Variants in GRIN2B observed in about 807,000 individuals in gnomAD.
GRIN2B encodes glutamate ionotropic receptor NMDA type subunit 2B.
A neutral mutation model predicts 114.5 loss-of-function variants in GRIN2B; 5 were observed. That is an observed-to-expected ratio of 0.04 (90% CI 0.02 to 0.09). The LOEUF is 0.09. Among genes scored for constraint, GRIN2B ranks in the 10% least tolerant of loss-of-function variants. GRIN2B has a pLI of 1.00. For missense variants in GRIN2B, 1,108 were observed against 1,943.5 expected (o/e 0.57, Z 8.08); for synonymous variants, 787 against 745.1 (o/e 1.06, Z -0.92).
intron 2 of GRIN2B, among the ~76,000 whole-genome samples, chr12:13,889,068 T>G (rs1172331348): frequency 6.6e-6 from 1 of 152,242 alleles, no homozygotes; most frequent in African/African-American, 2.4e-5. Context: ...ATATTTTCTT[T>G]CTGTATATCC....
intron 3 of GRIN2B, among the ~76,000 whole-genome samples, chr12:13,805,779 A>T (rs1048866146): frequency 2.6e-5 from 4 of 152,198 alleles, no homozygotes. Flanking sequence ...ATTTTCAAGT[A>T]TATAATACAT....
At chr12:13,712,468 C>T (rs1213076574) in intron 4 of GRIN2B, among the ~76,000 whole-genome samples, 8 of 151,570 alleles carry the variant, frequency 5.3e-5, no homozygotes, top group East Asian at 1.9e-4. Context: ...AAACAGTGGT[C>T]GCCTTTGTGT....
At position 13,625,713 on chromosome 12, in the gene GRIN2B, G is replaced by A. The variant is rs141794208; in HGVS notation, c.1126-9056C>T. On this transcript the variant is annotated intron_variant, in intron 5 of 13. Coordinates refer to ENST00000609686, the MANE Select transcript of GRIN2B (RefSeq NM_000834.5). ...CTCAATTTTTTCCAAACATCAGGGCGAACTCTATGAGGTTCTTTTGGTTTC... is the reference window on the plus strand; with the variant it reads ...CTCAATTTTTTCCAAACATCAGGGCAAACTCTATGAGGTTCTTTTGGTTTC... Among the ~76,000 whole-genome samples, 1,261 of 152,174 alleles carry A rather than the reference G, an allele frequency of 8.3e-3. 10 individuals carry two copies. Among genetic ancestry groups the A allele is most frequent in the Middle Eastern group, 0.02 (6 of 294 alleles).
chr12:13,648,358 T>A lies in GRIN2B; in HGVS notation c.1125+27387A>T, dbSNP rs540713555. On this transcript the variant is annotated intron_variant, in intron 5 of 13. Coordinates refer to ENST00000609686, the MANE Select transcript of GRIN2B (RefSeq NM_000834.5). ...TCTAATCCAGTAGCATAGAGAAGTA[T>A]AAACATTAATAACTAAACAACCTTA... 2.0e-5 allele frequency among the ~76,000 whole-genome samples: 3 copies of A among 151,994 alleles called. No individual in the cohort carries two copies. In the East Asian group the frequency reaches 5.8e-4, roughly 29 times the overall value.
intron 5 of GRIN2B, among the ~76,000 whole-genome samples, chr12:13,669,444 T>A (rs891817016): frequency 1.3e-5 from 2 of 152,044 alleles, no homozygotes; most frequent in South Asian, 4.1e-4. Context: ...CAGTTCAAAG[T>A]CAGTAAAAAT....
intron 13 of GRIN2B, among the ~76,000 whole-genome samples, chr12:13,565,903 C>A (rs991492595): frequency 1.3e-5 from 2 of 152,118 alleles, no homozygotes; most frequent in Non-Finnish European, 2.9e-5. Context: ...TGATTAAGCT[C>A]AAGAGAAAAT....
intron 4 of GRIN2B, among the ~76,000 whole-genome samples, chr12:13,700,490 C>CTG (rs1229146228): frequency 1.3e-5 from 2 of 152,126 alleles, no homozygotes; most frequent in Non-Finnish European, 2.9e-5. Flanking sequence ...CTGGATTGGG[C>CTG]TGTAACTGCT....
At chr12:13,567,847 T>C (rs1032527083) in intron 12 of GRIN2B, among the ~76,000 whole-genome samples, 43 of 152,068 alleles carry the variant, frequency 2.8e-4, no homozygotes, top group African/African-American at 7.7e-4. Context: ...AAAAGAGTGA[T>C]GTAAGAGTGC....
chr12:13,749,228 C>G (rs986043396), intron 4 of GRIN2B, among the ~76,000 whole-genome samples: 4 of 152,226 alleles, frequency 2.6e-5, no homozygotes, highest in Non-Finnish European at 4.4e-5. Context: ...ATACATGTCT[C>G]TCTTTGGGAT....
At chr12:13,842,917 C>CTTT (rs201344138) in intron 3 of GRIN2B, among the ~76,000 whole-genome samples, 33 of 103,204 alleles carry the variant, frequency 3.2e-4, no homozygotes, top group East Asian at 5.8e-4. Context: ...ATTGGTTTTT[C>CTTT]TTTTTTTTTT....
At chr12:13,756,783 G>T (rs951710657) in intron 3 of GRIN2B, among the ~76,000 whole-genome samples, 1 of 152,146 alleles carries the variant, frequency 6.6e-6, no homozygotes, top group South Asian at 2.1e-4. Context: ...CATAGCAAGA[G>T]GTACAAAAGC....
intron 3 of GRIN2B, among the ~76,000 whole-genome samples, chr12:13,842,291 A>C (rs1369072040): frequency 2.6e-5 from 4 of 152,236 alleles, no homozygotes; most frequent in Non-Finnish European, 2.9e-5. Context: ...TAGGTGGGTA[A>C]CCACCTACCA....
intron 4 of GRIN2B, among the ~76,000 whole-genome samples, chr12:13,750,960 G>T (rs575409772): frequency 6.6e-6 from 1 of 152,324 alleles, no homozygotes; most frequent in East Asian, 1.9e-4. Context: ...TTATTCTGAA[G>T]CTCAGGAAAG....
intron 2 of GRIN2B, among the ~76,000 whole-genome samples, chr12:13,881,463 C>G (rs368060070): frequency 2.1e-3 from 325 of 152,236 alleles, no homozygotes; most frequent in African/African-American, 7.4e-3. Flanking sequence ...CCCCTGTCCC[C>G]CAACTGAGTC....
At chr12:13,629,410 C>A (rs924270248) in intron 5 of GRIN2B, among the ~76,000 whole-genome samples, 1 of 152,136 alleles carries the variant, frequency 6.6e-6, no homozygotes, top group African/African-American at 2.4e-5. Context: ...CTCCCTCTTG[C>A]CTGGATTTCT....
chr12:13,682,421 A>C (rs1276088948), intron 4 of GRIN2B, among the ~76,000 whole-genome samples: 1 of 152,200 alleles, frequency 6.6e-6, no homozygotes, highest in African/African-American at 2.4e-5. Context: ...CTGTAATATT[A>C]GTTTATGTTT....
chr12:13,770,053 C>T (rs1863876461), intron 3 of GRIN2B, among the ~76,000 whole-genome samples: 1 of 152,230 alleles, frequency 6.6e-6, no homozygotes, highest in Non-Finnish European at 1.5e-5. Flanking sequence ...CAGTTCTCTG[C>T]AGCTGCAAGA....
At chr12:13,906,973 C>T (rs1339087071) in intron 2 of GRIN2B, among the ~76,000 whole-genome samples, 2 of 152,156 alleles carry the variant, frequency 1.3e-5, no homozygotes, top group African/African-American at 4.8e-5. Flanking sequence ...TTAGTTAAAA[C>T]TATGCAGATT....
intron 2 of GRIN2B, among the ~76,000 whole-genome samples, chr12:13,868,623 A>G (rs1865861802): frequency 6.6e-6 from 1 of 152,062 alleles, no homozygotes; most frequent in Admixed American, 6.5e-5. Flanking sequence ...AAAGTGGCCC[A>G]CTCTGCCGTG....
Sources: allele counts gnomAD v4.1 joint callset (sites outside exome capture counted in the v4.1 genomes callset), GRCh38; gene constraint gnomAD v4.1.1; transcripts MANE v1.5; gene names NCBI Gene and HGNC (gene_info 2026-07-23, HGNC 2026-07-21).